Variants in TMPRSS11A observed in about 807,000 individuals in gnomAD.
The protein encoded by TMPRSS11A is transmembrane protease serine 11A.
In TMPRSS11A, 53 loss-of-function variants were observed where a neutral mutation model predicts 58.9. The ratio of observed to expected loss-of-function variants is 0.90; its 90% CI spans 0.72 to 1.13. The LOEUF (loss-of-function observed/expected upper bound fraction) is 1.13, where lower values mean the gene tolerates loss of function less well. Among genes scored for constraint, TMPRSS11A ranks in the 50% most tolerant of loss-of-function variants. The pLI is 0.00. For synonymous variants in TMPRSS11A, 167 were observed against 169.8 expected, an observed-to-expected ratio of 0.98 and a Z score of 0.13; for missense variants, 493 against 499.3, an observed-to-expected ratio of 0.99 and a Z score of 0.12.
intron 9 of TMPRSS11A, among the ~76,000 whole-genome samples, chr4:67,913,417 C>T (rs778255114): frequency 5.3e-5 from 8 of 152,246 alleles, no homozygotes; most frequent in South Asian, 4.1e-4. Context: ...GTACCTGAAC[C>T]GCTGCCCTGA....
chr4:67,953,544 A>G (rs1004957601), intron 1 of TMPRSS11A, among the ~76,000 whole-genome samples: 2 of 152,184 alleles, frequency 1.3e-5, no homozygotes, highest in Admixed American at 1.3e-4. Context: ...CACGCCTGTA[A>G]TCCCAACACT....
chr4:67,915,417 C>A (rs1720120076), intron 8 of TMPRSS11A, among the ~76,000 whole-genome samples: 1 of 152,106 alleles, frequency 6.6e-6, no homozygotes, highest in Admixed American at 6.6e-5. Flanking sequence ...TGGCAGAATT[C>A]TAGGATAGTC....
chr4:67,912,506 G>A (rs1720010100), intron 9 of TMPRSS11A, among the ~76,000 whole-genome samples: 1 of 152,132 alleles, frequency 6.6e-6, no homozygotes, highest in Non-Finnish European at 1.5e-5. Context: ...CTCTCAAGTA[G>A]TTTCCTAAGA....
chr4:67,951,076 G>A (rs1374698170), intron 1 of TMPRSS11A, among the ~76,000 whole-genome samples: 1 of 152,186 alleles, frequency 6.6e-6, no homozygotes, highest in Non-Finnish European at 1.5e-5. Context: ...GAGTACAGAT[G>A]ATCCTTATTC....
At chr4:67,927,154 TCAG>T in intron 5 of TMPRSS11A, among the ~76,000 whole-genome samples, 1 of 152,254 alleles carries the variant, frequency 6.6e-6, no homozygotes, top group South Asian at 2.1e-4. Flanking sequence ...GGACAAGAAC[TCAG>T]GACCTGCCAA....
chr4:67,947,560 C>T (rs1412342853), intron 1 of TMPRSS11A, among the ~76,000 whole-genome samples: 1 of 152,122 alleles, frequency 6.6e-6, no homozygotes, highest in Non-Finnish European at 1.5e-5. Context: ...TTCTTTAGCT[C>T]TGAAGTCTTG....
chr4:67,951,032 T>C (rs1394190206), intron 1 of TMPRSS11A, among the ~76,000 whole-genome samples: 1 of 152,228 alleles, frequency 6.6e-6, no homozygotes, highest in African/African-American at 2.4e-5. Flanking sequence ...CAGACCCCTG[T>C]GGCACAGACA....
chr4:67,919,362 T>A (rs1720257952), intron 7 of TMPRSS11A, 130 bp from the exon 8 acceptor site: 2 of 798,858 alleles, frequency 2.5e-6, no homozygotes, highest in African/African-American at 3.5e-5. Flanking sequence ...TAGTTTTCTT[T>A]TATCATTTAA....
chr4:67,935,655 G>T (rs1577861883), intron 3 of TMPRSS11A, among the ~76,000 whole-genome samples: 2 of 152,076 alleles, frequency 1.3e-5, no homozygotes, highest in East Asian at 3.8e-4. Flanking sequence ...CATGCTGTTG[G>T]TATGTAGTAT....
intron 6 of TMPRSS11A, 67 bp from the exon 7 acceptor site, chr4:67,922,993 T>A: frequency 6.5e-7 from 1 of 1,540,084 alleles, no homozygotes; most frequent in Non-Finnish European, 8.9e-7. Flanking sequence ...ACCCCATTCT[T>A]ACTTGCCTGA....
At chr4:67,929,322 G>A in intron 5 of TMPRSS11A, among the ~76,000 whole-genome samples, 1 of 152,068 alleles carries the variant, frequency 6.6e-6, no homozygotes, top group East Asian at 1.9e-4. Context: ...CAAAAAAAAA[G>A]AGAAAAGTGG....
At chr4:67,960,925 A>G (rs576628108) in intron 1 of TMPRSS11A, among the ~76,000 whole-genome samples, 1 of 152,338 alleles carries the variant, frequency 6.6e-6, no homozygotes, top group South Asian at 2.1e-4. Context: ...ACAGGATAAG[A>G]ATCTCACCTG....
intron 3 of TMPRSS11A, among the ~76,000 whole-genome samples, chr4:67,937,447 A>G (rs985180079): frequency 1.3e-5 from 2 of 152,326 alleles, no homozygotes; most frequent in Middle Eastern, 6.8e-3. Context: ...GAGGATTTAT[A>G]ATCTTCATGG....
At chr4:67,916,989 C>T (rs1720174982) in intron 8 of TMPRSS11A, among the ~76,000 whole-genome samples, 1 of 152,004 alleles carries the variant, frequency 6.6e-6, no homozygotes, top group African/African-American at 2.4e-5. Flanking sequence ...AAGCATAGCC[C>T]ATAAATTCTG....
At position 67,914,620 on chromosome 4, in the gene TMPRSS11A, C is replaced by T. The variant is rs150722590; in HGVS notation, c.1063G>A (p.Gly355Arg). 6.4e-5 allele frequency: 104 copies of T among 1,613,614 alleles called. No individual in the cohort carries two copies. Among genetic ancestry groups the T allele is most frequent in the African/African-American group, 5.7e-4 (43 of 74,980 alleles). Residue 355 changes from glycine to arginine, a missense_variant, in exon 9 of 10, where the codon GGA becomes AGA. By Grantham distance (125) the Gly-to-Arg change is moderately radical (BLOSUM62 -2). Transcript: ENST00000508048. Reference sequence around the variant, plus strand: ...GCATCATAAATTCCTTCCATATATCCGGCACAGAACATTCCAGGTTTTATA... The same window carrying T: ...GCATCATAAATTCCTTCCATATATCTGGCACAGAACATTCCAGGTTTTATA... ...NDIKPGMFCA[G>R]YMEGIYDACR...
At chr4:67,948,393 G>T (rs762040150) in intron 1 of TMPRSS11A, among the ~76,000 whole-genome samples, 1 of 151,936 alleles carries the variant, frequency 6.6e-6, no homozygotes, top group East Asian at 1.9e-4. Flanking sequence ...CTCCTGACCT[G>T]GTGATCCACC....
intron 3 of TMPRSS11A, among the ~76,000 whole-genome samples, chr4:67,939,177 G>T (rs77194103): frequency 3.2e-5 from 1 of 31,372 alleles, no homozygotes; most frequent in Admixed American, 2.1e-4. Context: ...TGTGTGTGTC[G>T]CTATTGAAAA....
intron 3 of TMPRSS11A, among the ~76,000 whole-genome samples, chr4:67,935,901 C>T (rs1472123140): frequency 6.6e-6 from 1 of 152,048 alleles, no homozygotes; most frequent in Non-Finnish European, 1.5e-5. Flanking sequence ...CTTGGTAAGA[C>T]TGTAATAATT....
intron 1 of TMPRSS11A, among the ~76,000 whole-genome samples, chr4:67,957,932 GC>G: frequency 6.6e-6 from 1 of 152,210 alleles, no homozygotes; most frequent in South Asian, 2.1e-4. Flanking sequence ...ACTAAAAGAG[GC>G]CAAGCTACAG....
Sources: allele counts gnomAD v4.1 joint callset (sites outside exome capture counted in the v4.1 genomes callset), GRCh38; gene constraint gnomAD v4.1.1; transcripts MANE v1.5; gene names NCBI Gene and HGNC (gene_info 2026-07-23, HGNC 2026-07-21).